Variants in GRIP1 observed in about 807,000 individuals in gnomAD.
GRIP1 encodes the protein glutamate receptor-interacting protein 1.
A neutral mutation model predicts 129.9 loss-of-function variants in GRIP1; 45 were observed. The ratio of observed to expected loss-of-function variants is 0.35; its 90% CI spans 0.27 to 0.44. The LOEUF is 0.44. Ranked by LOEUF, GRIP1 falls within the 20% of genes least tolerant of loss-of-function variation. The pLI is 1.00. For synonymous variants in GRIP1, 530 were observed against 520.8 expected (o/e 1.02, Z -0.24); for missense variants, 1,196 against 1,396.8 (o/e 0.86, Z 2.29).
intron 7 of GRIP1, among the ~76,000 whole-genome samples, chr12:66,487,803 T>C (rs923722320): frequency 6.6e-6 from 1 of 151,844 alleles, no homozygotes; most frequent in African/African-American, 2.4e-5. Flanking sequence ...ACCAAGCAAA[T>C]AGAAAACAGA....
chr12:66,869,389 G>A (rs1318834836), intron 1 of GRIP1, among the ~76,000 whole-genome samples: 1 of 151,996 alleles, frequency 6.6e-6, no homozygotes, highest in Non-Finnish European at 1.5e-5. Context: ...TGAATTGCAT[G>A]GTGATTGGTG....
chr12:66,991,746 AC>A (rs1372192430), intron 1 of GRIP1, among the ~76,000 whole-genome samples: 2 of 152,184 alleles, frequency 1.3e-5, no homozygotes, highest in Non-Finnish European at 2.9e-5. Flanking sequence ...AATTTAGTCC[AC>A]CCAAAAATAT....
intron 16 of GRIP1, among the ~76,000 whole-genome samples, chr12:66,397,690 G>A (rs762233904): frequency 2.6e-5 from 4 of 152,006 alleles, no homozygotes; most frequent in African/African-American, 9.7e-5. Flanking sequence ...GTATTTTTTA[G>A]GCATACGTTA....
chr12:66,825,381 A>G (rs1269329233), intron 1 of GRIP1, among the ~76,000 whole-genome samples: 3 of 152,320 alleles, frequency 2.0e-5, no homozygotes, highest in Admixed American at 6.5e-5. Context: ...AATATCACGC[A>G]TGATCATATT....
chr12:66,788,349 T>A lies in GRIP1; in HGVS notation c.-420+15704A>T, dbSNP rs765628566. 1.4e-4 allele frequency among the ~76,000 whole-genome samples: 22 copies of A among 152,130 alleles called. No homozygotes were observed. The Middle Eastern group carries it at 0.01, about 71-fold the overall frequency. On this transcript the variant is annotated intron_variant, in intron 1 of 4. Transcript: ENST00000538373. ...CTGCTGGAATTTTATTTCTTTGAGT[T>A]TACTATGGTTGAACAATAATATTTA...
chr12:66,852,542 A>ATATATG (rs1566051523), intron 1 of GRIP1, among the ~76,000 whole-genome samples: 2 of 107,150 alleles, frequency 1.9e-5, no homozygotes, highest in African/African-American at 6.3e-5. Flanking sequence ...GTATATATGT[A>ATATATG]TATATGTATA....
chr12:66,966,619 G>T (rs536670155), intron 1 of GRIP1, among the ~76,000 whole-genome samples: 7 of 152,214 alleles, frequency 4.6e-5, no homozygotes, highest in African/African-American at 1.4e-4. Context: ...CAATTTCTGA[G>T]ATTTCCGTTG....
At chr12:66,690,603 T>C (rs190013651) in intron 1 of GRIP1, among the ~76,000 whole-genome samples, 1 of 151,780 alleles carries the variant, frequency 6.6e-6, no homozygotes, top group Admixed American at 6.6e-5. Context: ...CGATGGCTCA[T>C]GTCTATAACC....
At chr12:67,017,237 A>G (rs2042801241) in intron 1 of GRIP1, among the ~76,000 whole-genome samples, 1 of 151,904 alleles carries the variant, frequency 6.6e-6, no homozygotes, top group Non-Finnish European at 1.5e-5. Context: ...TCAGGGAGAG[A>G]CTCATGAATA....
intron 1 of GRIP1, among the ~76,000 whole-genome samples, chr12:66,794,279 T>C (rs2038633260): frequency 6.6e-6 from 1 of 152,192 alleles, no homozygotes; most frequent in Non-Finnish European, 1.5e-5. Context: ...TTTCTGTGGG[T>C]GGCTTATGGG....
chr12:67,013,703 G>C (rs2042742804), intron 1 of GRIP1, among the ~76,000 whole-genome samples: 1 of 152,162 alleles, frequency 6.6e-6, no homozygotes, highest in Non-Finnish European at 1.5e-5. Flanking sequence ...GTATATTAGA[G>C]AATGTGGTTG....
At chr12:66,809,325 G>C (rs1367823048) in intron 1 of GRIP1, among the ~76,000 whole-genome samples, 1 of 152,172 alleles carries the variant, frequency 6.6e-6, no homozygotes, top group Non-Finnish European at 1.5e-5. Flanking sequence ...ATTAAATTGA[G>C]TAATGGTTAT....
chr12:66,878,180 G>A (rs1184733690), intron 1 of GRIP1, among the ~76,000 whole-genome samples: 2 of 151,964 alleles, frequency 1.3e-5, no homozygotes, highest in Non-Finnish European at 2.9e-5. Context: ...GCTATGGAGT[G>A]GGATGGAAGT....
chr12:66,378,169 C>CA (rs1311303938), intron 20 of GRIP1, among the ~76,000 whole-genome samples: 1 of 151,768 alleles, frequency 6.6e-6, no homozygotes, highest in African/African-American at 2.4e-5. Flanking sequence ...GGGCCCAGTG[C>CA]AGTGGCTCAC....
intron 15 of GRIP1, among the ~76,000 whole-genome samples, chr12:66,415,515 T>A (rs1490113481): frequency 1.3e-5 from 2 of 152,272 alleles, no homozygotes; most frequent in East Asian, 3.9e-4. Flanking sequence ...AGTGTGGCGA[T>A]TCCTCAAAGA....
At chr12:66,966,904 T>C (rs1426575796) in intron 1 of GRIP1, among the ~76,000 whole-genome samples, 11 of 152,168 alleles carry the variant, frequency 7.2e-5, no homozygotes, top group Non-Finnish European at 7.4e-5. Flanking sequence ...ATGCATAACC[T>C]ACACTTTAAG....
chr12:66,713,516 G>A (rs1376053382), intron 1 of GRIP1, among the ~76,000 whole-genome samples: 3 of 147,332 alleles, frequency 2.0e-5, no homozygotes, highest in African/African-American at 5.0e-5. Context: ...ATCTGCAGCA[G>A]TAGAGACCAA....
chr12:66,934,926 G>A (rs960351764), intron 1 of GRIP1, among the ~76,000 whole-genome samples: 1 of 152,194 alleles, frequency 6.6e-6, no homozygotes, highest in African/African-American at 2.4e-5. Flanking sequence ...AATGAAAGGG[G>A]AATTGCCAAA....
chr12:66,975,763 C>G (rs1278758871), intron 1 of GRIP1, among the ~76,000 whole-genome samples: 1 of 152,036 alleles, frequency 6.6e-6, no homozygotes, highest in Admixed American at 6.6e-5. Context: ...AGGTTTGGAC[C>G]AAGGCACTAG....
Sources: gnomAD v4.1 joint callset for allele counts (sites outside exome capture counted in the v4.1 genomes callset) on GRCh38, gnomAD v4.1.1 for gene constraint, MANE v1.5 for transcripts, NCBI Gene and HGNC (gene_info 2026-07-23, HGNC 2026-07-21) for gene names.